MED14: variants seen among roughly 807,000 people sequenced by gnomAD.
MED14 encodes the protein mediator of RNA polymerase II transcription subunit 14.
In MED14, 8 loss-of-function variants were observed where a neutral mutation model predicts 109.0. The ratio of observed to expected loss-of-function variants is 0.07; its 90% CI spans 0.04 to 0.13. The LOEUF (loss-of-function observed/expected upper bound fraction) is 0.13, where lower values mean the gene tolerates loss of function less well. Ranked by LOEUF, MED14 falls within the 10% of genes least tolerant of loss-of-function variation. The pLI is 1.00. For synonymous variants in MED14, 399 were observed against 408.7 expected (o/e 0.98, Z 0.29); for missense variants, 711 against 1,142.4 (o/e 0.62, Z 5.44).
chrX:40,735,103 C>T, intron 1 of MED14, 95 bp downstream of exon 1: 1 of 642,730 alleles, frequency 1.6e-6, no homozygotes, highest in Non-Finnish European at 2.2e-6. Context: ...CAGCGGAGAA[C>T]ACAGCAGCCT....
intron 19 of MED14, among the ~76,000 whole-genome samples, chrX:40,681,420 T>C (rs1356284501): frequency 5.4e-5 from 6 of 111,288 alleles, no homozygotes; most frequent in Non-Finnish European, 5.7e-5. Context: ...GGAAAAAAAA[T>C]AAAGAACTAT....
intron 21 of MED14, among the ~76,000 whole-genome samples, chrX:40,679,376 G>A (rs1255144398): frequency 9.0e-6 from 1 of 111,097 alleles, no homozygotes; most frequent in African/African-American, 3.3e-5. Context: ...GTGTGGTGGT[G>A]CATGCCTATA....
At chrX:40,698,766 T>C (rs1392041006) in intron 12 of MED14, among the ~76,000 whole-genome samples, 1 of 112,269 alleles carries the variant, frequency 8.9e-6, no homozygotes, top group Non-Finnish European at 1.9e-5. Context: ...ACAGTAACAA[T>C]TGTTGGCAAG....
intron 23 of MED14, among the ~76,000 whole-genome samples, chrX:40,668,435 C>G (rs1929599852): frequency 9.6e-6 from 1 of 103,749 alleles, no homozygotes; most frequent in Non-Finnish European, 2.0e-5. Context: ...CAATACTAGA[C>G]TTATGGAGAG....
Position 40,682,747 on chromosome X carries a change from G to A in MED14, c.2221C>T (p.Pro741Ser), listed in dbSNP as rs999929480. Residue 741 changes from proline to serine, a missense_variant and splice_region_variant, in exon 18 of 31, where the codon CCA (proline) becomes TCA (serine). Pro to Ser is a moderately conservative substitution (Grantham distance 74). Transcript: ENST00000324817. ...TATGTCAGGTAAACGTGCCGGGATG[G>A]TCCTACAGGATTAAAAGAGAATATT... ...LNGTSTREQG[P>S]SRHVYLTYEN... The A allele has an allele frequency of 8.3e-7, 1 of 1,206,824 alleles. No homozygotes were observed.
chrX:40,722,785 G>A (rs1392943646), intron 3 of MED14, among the ~76,000 whole-genome samples: 2 of 111,558 alleles, frequency 1.8e-5, no homozygotes, highest in East Asian at 5.6e-4. Flanking sequence ...ACTTTTCAGT[G>A]AAAACCTTAC....
chrX:40,712,220 A>G lies in MED14; in HGVS notation c.855T>C (p.Asp285=). ...HQLVQSRLFA[D]EKPLQDMYNC... is the part of the protein sequence containing the mutation. The stretch of plus-strand genomic sequence containing the variant: ...TGTACATATCCTGAAGAGGTTTCTC[A>G]TCAGCAAAGAGCCTAGACTGCACCA... The change falls in exon 7 of 31, where the codon GAT becomes GAC. Residue 285 remains aspartate, a synonymous_variant. Coordinates refer to ENST00000324817, the MANE Select transcript of MED14 (RefSeq NM_004229.4). 2 of 1,206,721 alleles carry G rather than the reference A, an allele frequency of 1.7e-6. No homozygotes were observed. Among genetic ancestry groups the G allele is most frequent in the Non-Finnish European group, 2.2e-6 (2 of 892,214 alleles).
At chrX:40,662,823 G>A (rs1471563218) in intron 26 of MED14, 102 bp downstream of exon 26, 1 of 561,473 alleles carries the variant, frequency 1.8e-6, no homozygotes, top group East Asian at 3.6e-5. Context: ...TTAAAGGAGG[G>A]AAGGTGAAGG....
Position 40,650,903 on chromosome X carries a change from A to G in MED14, c.*903T>C. The G allele has an allele frequency of 1.3e-6, 1 of 753,590 alleles. No individual in the cohort carries two copies. Among genetic ancestry groups the G allele is most frequent in the Non-Finnish European group, 1.6e-6 (1 of 638,598 alleles). 62.1% of individuals were successfully genotyped at this position (753,590 alleles called of 1,213,427 possible). On this transcript the variant is annotated 3_prime_UTR_variant, in exon 31 of 31. Coordinates refer to ENST00000324817, the MANE Select transcript of MED14 (RefSeq NM_004229.4). ...GTTTCCTAATTAATGTTGTATGCAG[A>G]AGTATTCTGTAAACTAAATTTTCCT...
rs905351782 is a variant in MED14, at chrX:40,664,216, G to A, written c.3448+91C>T. 1.1e-4 allele frequency: 92 copies of A among 845,545 alleles called. 1 individual carries two copies. The South Asian group carries it at 2.0e-3, about 18-fold the overall frequency. The allele number at this position is 845,545 out of a possible 1,213,427, so 69.7% of individuals were successfully genotyped here. A position where few individuals can be genotyped will look rare whatever the true frequency, so the allele number is the denominator to read the frequency against. On this transcript the variant is annotated intron_variant, in intron 25 of 30. Coordinates refer to ENST00000324817, the MANE Select transcript of MED14 (RefSeq NM_004229.4). ...TCCTTTAAGTATCCTCTCTCAAAAA[G>A]TAGGTCATGACTTTCAAATGTGAGG...
chrX:40,697,160 C>A lies in MED14; in HGVS notation c.1514G>T (p.Cys505Phe). Residue 505 changes from cysteine (C) to phenylalanine (F), a missense_variant, in exon 13 of 31, where the codon TGC (cysteine) becomes TTC (phenylalanine). Physicochemically the swap from Cys to Phe is radical, Grantham distance 205 (BLOSUM62 -2). Coordinates refer to ENST00000324817, the MANE Select transcript of MED14 (RefSeq NM_004229.4). ...AGGCAGATGTTTTATAGACTGCTTG[C>A]AACGCTGTTGTCCAAGCCAAAACCT... The part of the protein sequence containing the change: ...QLKFWLGQQR[C>F]KQSIKHLPTI... 8.4e-7 allele frequency: 1 copy of A among 1,196,088 alleles called. No individual in the cohort carries two copies. Among genetic ancestry groups the A allele is most frequent in the Non-Finnish European group, 1.1e-6 (1 of 882,592 alleles).
intron 23 of MED14, among the ~76,000 whole-genome samples, chrX:40,668,853 A>T (rs181301064): frequency 3.5e-4 from 39 of 112,333 alleles, no homozygotes; most frequent in African/African-American, 1.2e-3. Flanking sequence ...CTGTCTCTAA[A>T]TATCTTATTG....
chrX:40,689,898 A>G (rs886921018), intron 15 of MED14, among the ~76,000 whole-genome samples: 6 of 111,846 alleles, frequency 5.4e-5, no homozygotes, highest in Admixed American at 1.9e-4. Flanking sequence ...TCTGTGTCCC[A>G]TATGTGCAGC....
At chrX:40,732,505 T>C (rs1309889940) in intron 1 of MED14, among the ~76,000 whole-genome samples, 18 of 100,179 alleles carry the variant, frequency 1.8e-4, no homozygotes, top group African/African-American at 5.8e-4. Context: ...GGCAACACCG[T>C]GAGACTCTGT....
chrX:40,654,580 A>T, intron 29 of MED14, 24 bp from the exon 30 acceptor site: 1 of 1,184,908 alleles, frequency 8.4e-7, no homozygotes, highest in Non-Finnish European at 1.1e-6. Flanking sequence ...ACACACACAA[A>T]GAGAATAAAA....
chrX:40,678,473 A>G (rs1929991905), intron 21 of MED14, among the ~76,000 whole-genome samples: 1 of 111,880 alleles, frequency 8.9e-6, no homozygotes, highest in Admixed American at 9.5e-5. Flanking sequence ...CAGCGCTTAC[A>G]TATTCATAAC....
In MED14 at chrX:40,651,106, T is replaced by C. The variant is rs1193770286; in HGVS notation, c.*700A>G. The C allele has an allele frequency of 1.3e-6, 1 of 747,502 alleles. No individual in the cohort carries two copies. Among genetic ancestry groups the C allele is most frequent in the Non-Finnish European group, 1.6e-6 (1 of 634,335 alleles). The allele number at this position is 747,502 out of a possible 1,213,427, so 61.6% of individuals were successfully genotyped here. A position where few individuals can be genotyped will look rare whatever the true frequency, so the allele number is the denominator to read the frequency against. On this transcript the variant is annotated 3_prime_UTR_variant, in exon 31 of 31. Transcript: ENST00000324817. ...TGTTAACCACTAGTCAAGTTAGGAA[T>C]GTCTGAAGAAAATATATTAACCTTG...
chrX:40,670,778 A>AAT (rs1929701924), intron 23 of MED14, among the ~76,000 whole-genome samples: 1 of 109,483 alleles, frequency 9.1e-6, no homozygotes, highest in Admixed American at 9.5e-5. Context: ...AAAAAAAAAA[A>AAT]AAAATAAAAA....
intron 11 of MED14, 104 bp from the exon 12 acceptor site, chrX:40,701,347 C>T (rs962678516): frequency 6.1e-5 from 30 of 495,121 alleles, no homozygotes; most frequent in Non-Finnish European, 9.1e-5. Flanking sequence ...TTGTTTAAGG[C>T]AGAAAATCAT....
Sources: gnomAD v4.1 joint callset for allele counts (sites outside exome capture counted in the v4.1 genomes callset) on GRCh38, gnomAD v4.1.1 for gene constraint, MANE v1.5 for transcripts, NCBI Gene and HGNC (gene_info 2026-07-23, HGNC 2026-07-21) for gene names.